The following AGBL1 variants were observed in gnomAD, a reference collection of about 807,000 sequenced individuals.
The protein encoded by AGBL1 is cytosolic carboxypeptidase 4.
Under a neutral mutation model 118.9 loss-of-function variants are expected in AGBL1, and 130 were observed. That is an observed-to-expected ratio of 1.09 (90% CI 0.95 to 1.26). The LOEUF (loss-of-function observed/expected upper bound fraction) is 1.26. Ranked by LOEUF, AGBL1 falls within the 50% of genes most tolerant of loss-of-function variation. AGBL1 has a pLI of 0.00. For synonymous variants in AGBL1, 555 were observed against 478.9 expected, an observed-to-expected ratio of 1.16 and a Z score of -2.08; for missense variants, 1,584 against 1,298.1, an observed-to-expected ratio of 1.22 and a Z score of -3.38.
chr15:86,335,034 A>G (rs1039718870), intron 17 of AGBL1, among the ~76,000 whole-genome samples: 1 of 152,234 alleles, frequency 6.6e-6, no homozygotes, highest in Non-Finnish European at 1.5e-5. Context: ...TGAAGAACTT[A>G]AGAAAATGAA....
At chr15:86,152,459 G>A (rs950296378) in intron 3 of AGBL1, among the ~76,000 whole-genome samples, 16 of 152,092 alleles carry the variant, frequency 1.1e-4, no homozygotes, top group Non-Finnish European at 1.9e-4. Context: ...ACTGGCCAGC[G>A]ATATGTAGAA....
At position 86,406,584 on chromosome 15, in the gene AGBL1, G is replaced by A. The variant is rs544507762; in HGVS notation, c.2555+9038G>A. Among the ~76,000 whole-genome samples, 39 of 152,240 alleles carry A rather than the reference G, an allele frequency of 2.6e-4. 1 individual carries two copies. The South Asian group carries it at 8.1e-3, about 32-fold the overall frequency. On this transcript the variant is annotated intron_variant, in intron 18 of 22. Coordinates refer to ENST00000614907, the MANE Select transcript of AGBL1 (RefSeq NM_001386094.1). ...TTATAATCTATTATAATTACATAGT[G>A]CCTCTGGAATTTTGTAACGTAGAGG... is the stretch of plus-strand genomic sequence containing the variant.
intron 21 of AGBL1, among the ~76,000 whole-genome samples, chr15:86,561,813 A>G (rs1482960778): frequency 2.0e-5 from 3 of 152,216 alleles, no homozygotes; most frequent in East Asian, 3.9e-4. Flanking sequence ...ATTTGTTTGT[A>G]TCCTCTTTTA....
chr15:86,230,167 G>A (rs1025829927), intron 6 of AGBL1, among the ~76,000 whole-genome samples: 1 of 152,200 alleles, frequency 6.6e-6, no homozygotes, highest in Non-Finnish European at 1.5e-5. Context: ...TGCTCCAGGA[G>A]GCTAGGAAGG....
chr15:86,842,788 A>G lies in AGBL1; in HGVS notation c.3159-64299A>G, dbSNP rs941839845. Among the ~76,000 whole-genome samples the G allele has an allele frequency of 7.9e-5, 12 of 152,314 alleles. 1 individual carries two copies. Among genetic ancestry groups the G allele is most frequent in the Middle Eastern group, 3.4e-3 (1 of 294 alleles). On this transcript the variant is annotated intron_variant, in intron 22 of 22. Transcript: ENST00000614907. ...ACATTCTTTCTCTCCAACTGGAAGC[A>G]GAGGATTCAGCTCTGCTATGAGGCC...
intron 1 of AGBL1, among the ~76,000 whole-genome samples, chr15:86,086,927 C>T (rs1417612183): frequency 6.6e-6 from 1 of 152,130 alleles, no homozygotes; most frequent in African/African-American, 2.4e-5. Context: ...TTGCACATTC[C>T]AGTACATGTC....
chr15:86,226,628 C>G (rs1039558548), intron 6 of AGBL1, among the ~76,000 whole-genome samples: 1 of 152,180 alleles, frequency 6.6e-6, no homozygotes, highest in Non-Finnish European at 1.5e-5. Context: ...CAGGAAAAAC[C>G]AATAGCCAGT....
chr15:87,004,287 G>T (rs2081473295), intron 24 of AGBL1, among the ~76,000 whole-genome samples: 1 of 151,814 alleles, frequency 6.6e-6, no homozygotes, highest in Non-Finnish European at 1.5e-5. Context: ...TGACAGTGGG[G>T]TGTTAGACTC....
chr15:86,386,726 C>T (rs1258672010), intron 17 of AGBL1, among the ~76,000 whole-genome samples: 1 of 152,092 alleles, frequency 6.6e-6, no homozygotes, highest in Non-Finnish European at 1.5e-5. Context: ...CCCACTAATG[C>T]CCAGGACCTC....
intron 18 of AGBL1, among the ~76,000 whole-genome samples, chr15:86,500,887 A>G (rs1431878810): frequency 1.3e-5 from 2 of 151,692 alleles, no homozygotes; most frequent in African/African-American, 2.4e-5. Flanking sequence ...CACATTTGTT[A>G]TTCATCATCA....
rs563373469 is a variant in AGBL1 at position 86,476,754 on chromosome 15, C to A, written c.2556-46056C>A. On this transcript the variant is annotated intron_variant, in intron 18 of 22. Coordinates refer to ENST00000614907, the MANE Select transcript of AGBL1 (RefSeq NM_001386094.1). Reference sequence around the variant, plus strand: ...ACCTAATAGACATCTACGGAACTCTCCACCCCAAATCAACAGAATATACAT... The same window carrying A: ...ACCTAATAGACATCTACGGAACTCTACACCCCAAATCAACAGAATATACAT... Among the ~76,000 whole-genome samples the A allele has an allele frequency of 5.5e-3, 837 of 152,318 alleles. 8 individuals carry two copies. Among genetic ancestry groups the A allele is most frequent in the African/African-American group, 0.019 (786 of 41,562 alleles).
chr15:86,599,864 T>A (rs2084467561), intron 21 of AGBL1, among the ~76,000 whole-genome samples: 1 of 152,114 alleles, frequency 6.6e-6, no homozygotes. Flanking sequence ...TCCTACACCT[T>A]TTTTACATAT....
intron 22 of AGBL1, among the ~76,000 whole-genome samples, chr15:86,723,023 T>A (rs921006590): frequency 3.2e-4 from 48 of 152,172 alleles, no homozygotes; most frequent in Non-Finnish European, 2.1e-4. Context: ...GGAGAGGATG[T>A]GGAGAAATAG....
At chr15:86,918,976 T>C (rs1248410281), downstream of AGBL1, among the ~76,000 whole-genome samples, 1 of 152,178 alleles carries the variant, frequency 6.6e-6, no homozygotes, top group Non-Finnish European at 1.5e-5. Flanking sequence ...CTGAACAATA[T>C]CATGTGTTCC....
chr15:86,924,626 C>T (rs1310577560), intron 23 of AGBL1, among the ~76,000 whole-genome samples: 1 of 152,122 alleles, frequency 6.6e-6, no homozygotes, highest in Non-Finnish European at 1.5e-5. Flanking sequence ...AAGTGGGAAG[C>T]AGAGAGGGAA....
rs550792152 is a variant in AGBL1, at chr15:86,639,298, C to G, written c.2995-34975C>G. On this transcript the variant is annotated intron_variant, in intron 21 of 22. Transcript: ENST00000614907. ...AATGACCTTGCACTAGATCTACTTG[C>G]AAATATTAAAACTGTTGTGGTACAG... is the stretch of plus-strand genomic sequence containing the variant. 2.2e-3 allele frequency among the ~76,000 whole-genome samples: 340 copies of G among 152,220 alleles called. 1 individual carries two copies. The highest frequency in any genetic ancestry group is 5.4e-3 in the African/African-American group (225 of 41,548).
At chr15:86,480,822 A>G (rs2082641187) in intron 18 of AGBL1, among the ~76,000 whole-genome samples, 1 of 152,060 alleles carries the variant, frequency 6.6e-6, no homozygotes, top group South Asian at 2.1e-4. Flanking sequence ...CAGCATGAAG[A>G]AAGCACATAA....
At chr15:86,197,332 A>G (rs568388181) in intron 5 of AGBL1, among the ~76,000 whole-genome samples, 4 of 152,378 alleles carry the variant, frequency 2.6e-5, no homozygotes, top group South Asian at 2.1e-4. Context: ...TGCTTACAGA[A>G]TAAGTGCAGC....
chr15:86,122,772 A>G (rs1898162956), intron 1 of AGBL1, among the ~76,000 whole-genome samples: 1 of 152,164 alleles, frequency 6.6e-6, no homozygotes, highest in Admixed American at 6.5e-5. Context: ...AGCCTTCCAA[A>G]GTTAATCTGA....
Sources: allele counts gnomAD v4.1 joint callset (sites outside exome capture counted in the v4.1 genomes callset), GRCh38; gene constraint gnomAD v4.1.1; transcripts MANE v1.5; gene names NCBI Gene and HGNC (gene_info 2026-07-23, HGNC 2026-07-21).